ADK: variants seen among roughly 807,000 people sequenced by gnomAD.
ADK encodes the protein N6,N6-dimethyladenosine kinase.
In ADK, 24 loss-of-function variants were observed where a neutral mutation model predicts 44.7. The ratio of observed to expected loss-of-function variants is 0.54; its 90% CI spans 0.39 to 0.76. ADK has a LOEUF of 0.76. Ranked by LOEUF, ADK falls within the 30% of genes least tolerant of loss-of-function variation. ADK has a pLI of 0.00. For synonymous variants in ADK, 128 were observed against 142.6 expected, an observed-to-expected ratio of 0.90 and a Z score of 0.73; for missense variants, 321 against 425.1, an observed-to-expected ratio of 0.76 and a Z score of 2.15.
intron 2 of ADK, among the ~76,000 whole-genome samples, chr10:74,205,675 C>CAAAAAAAAAAAAAAAAAAAA: frequency 1.2e-5 from 1 of 85,350 alleles, no homozygotes; most frequent in Non-Finnish European, 2.2e-5. Context: ...GAATCTGTCT[C>CAAAAAAAAAAAAAAAAAAAA]AAAAAAAAAA....
chr10:74,540,816 C>G (rs1564781894), intron 7 of ADK, among the ~76,000 whole-genome samples: 2 of 151,986 alleles, frequency 1.3e-5, no homozygotes, highest in African/African-American at 2.4e-5. Context: ...TAAATAAAAA[C>G]TGTAAATTTA....
At chr10:74,274,721 T>C (rs1016605278) in intron 3 of ADK, among the ~76,000 whole-genome samples, 6 of 133,650 alleles carry the variant, frequency 4.5e-5, no homozygotes, top group Non-Finnish European at 6.5e-5. Context: ...AGGAGAAAAA[T>C]TTTAATGTGT....
chr10:74,490,251 T>C (rs535609533), intron 6 of ADK, among the ~76,000 whole-genome samples: 1 of 152,252 alleles, frequency 6.6e-6, no homozygotes, highest in African/African-American at 2.4e-5. Context: ...ATGTATTCAT[T>C]GTGATACTGA....
intron 3 of ADK, among the ~76,000 whole-genome samples, chr10:74,258,058 ATAAAT>A (rs1845893490): frequency 6.6e-6 from 1 of 152,150 alleles, no homozygotes; most frequent in Non-Finnish European, 1.5e-5. Flanking sequence ...TTCCTTCTTA[ATAAAT>A]TAGTTTTTAT....
chr10:74,201,710 AT>A, intron 2 of ADK, among the ~76,000 whole-genome samples: 1 of 150,850 alleles, frequency 6.6e-6, no homozygotes, highest in Admixed American at 6.6e-5. Context: ...CTATCTATCT[AT>A]CTATCTATCT....
intron 1 of ADK, among the ~76,000 whole-genome samples, chr10:74,175,307 C>T (rs907969605): frequency 2.0e-5 from 3 of 151,444 alleles, no homozygotes; most frequent in Admixed American, 2.0e-4. Context: ...TCGCTTGAAC[C>T]CAGGAGGCAG....
intron 10 of ADK, among the ~76,000 whole-genome samples, chr10:74,676,171 C>T (rs1344659857): frequency 6.6e-6 from 1 of 151,996 alleles, no homozygotes; most frequent in Non-Finnish European, 1.5e-5. Context: ...GCTCTGTCGC[C>T]CAGGCTGGAG....
intron 7 of ADK, among the ~76,000 whole-genome samples, chr10:74,569,346 C>T (rs919626406): frequency 4.6e-5 from 7 of 152,136 alleles, no homozygotes; most frequent in African/African-American, 1.4e-4. Context: ...CCTGAGGAAT[C>T]GCCACACTGA....
At chr10:74,257,106 C>T (rs887873322) in intron 3 of ADK, among the ~76,000 whole-genome samples, 8 of 152,070 alleles carry the variant, frequency 5.3e-5, no homozygotes, top group African/African-American at 1.7e-4. Flanking sequence ...AAGACAACTG[C>T]AATTTTATAG....
intron 3 of ADK, among the ~76,000 whole-genome samples, chr10:74,234,527 AGTATTTAAAG>A (rs1490972005): frequency 1.3e-5 from 2 of 152,170 alleles, no homozygotes; most frequent in African/African-American, 2.4e-5. Flanking sequence ...CTACTTGAAA[AGTATTTAAAG>A]GTATTTTTCA....
rs186365486 is a variant in ADK, at chr10:74,276,940, C to T, written c.195-37727C>T. On this transcript the variant is annotated intron_variant, in intron 3 of 10. Transcript: ENST00000539909. ...TTCAAATATCTTTTTTTTTTTGAGA[C>T]GGAGTCTCAGTCTGTTGCACAGACT... Among the ~76,000 whole-genome samples the T allele has an allele frequency of 7.2e-3, 1,080 of 149,892 alleles. 21 individuals are homozygous for T. The highest frequency in any genetic ancestry group is 0.024 in the African/African-American group (994 of 40,756).
At chr10:74,696,529 C>T (rs556472107) in intron 10 of ADK, among the ~76,000 whole-genome samples, 7 of 151,226 alleles carry the variant, frequency 4.6e-5, no homozygotes, top group Non-Finnish European at 1.0e-4. Context: ...CCACCCCCAG[C>T]TAATTTTTTT....
At chr10:74,583,631 C>T (rs1224749568) in intron 7 of ADK, among the ~76,000 whole-genome samples, 6 of 152,140 alleles carry the variant, frequency 3.9e-5, no homozygotes, top group Non-Finnish European at 8.8e-5. Flanking sequence ...GCAATCCTCC[C>T]ACCTCAGCCT....
chr10:74,692,913 C>T (rs1047092322), intron 10 of ADK, among the ~76,000 whole-genome samples: 3 of 151,928 alleles, frequency 2.0e-5, no homozygotes, highest in African/African-American at 7.3e-5. Context: ...TTAAGCAACT[C>T]AAGACTGTAT....
intron 6 of ADK, among the ~76,000 whole-genome samples, chr10:74,429,770 G>A (rs1439809750): frequency 6.6e-6 from 1 of 152,092 alleles, no homozygotes; most frequent in Non-Finnish European, 1.5e-5. Flanking sequence ...TACACTAAAA[G>A]CAAATTCATC....
At chr10:74,435,965 C>T (rs1845166365) in intron 6 of ADK, among the ~76,000 whole-genome samples, 1 of 151,994 alleles carries the variant, frequency 6.6e-6, no homozygotes, top group Non-Finnish European at 1.5e-5. Context: ...AATCTATACA[C>T]AAAAAACAAA....
chr10:74,292,210 A>G (rs1420508706), intron 3 of ADK, among the ~76,000 whole-genome samples: 2 of 151,984 alleles, frequency 1.3e-5, no homozygotes, highest in Non-Finnish European at 2.9e-5. Context: ...ATTTTTTTGC[A>G]TTACAAAGAT....
At chr10:74,184,332 T>A (rs976508062) in intron 1 of ADK, among the ~76,000 whole-genome samples, 2 of 152,170 alleles carry the variant, frequency 1.3e-5, no homozygotes, top group South Asian at 4.1e-4. Flanking sequence ...TTATTTATTA[T>A]TATTTTTTCT....
At position 74,200,813 on chromosome 10, in the gene ADK, G is replaced by A; in HGVS notation, c.115G>A (p.Val39Ile). 1 of 1,610,394 alleles carries A rather than the reference G, an allele frequency of 6.2e-7. No homozygotes were observed. The highest frequency in any genetic ancestry group is 8.5e-7 in the Non-Finnish European group (1 of 1,177,142). Residue 39 changes from valine to isoleucine, a missense_variant, in exon 2 of 11, where the codon GTA becomes ATA. By Grantham distance (29) the Val-to-Ile change is conservative. Transcript: ENST00000539909. ...MGNPLLDISA[V>I]VDKDFLDKYS... Reference sequence around the variant, plus strand: ...AAATCCTCTGCTTGACATCTCTGCTGTAGTGGACAAAGATTTCCTTGATAA... The same window carrying A: ...AAATCCTCTGCTTGACATCTCTGCTATAGTGGACAAAGATTTCCTTGATAA...
Sources: gnomAD v4.1 joint callset for allele counts (sites outside exome capture counted in the v4.1 genomes callset) on GRCh38, gnomAD v4.1.1 for gene constraint, MANE v1.5 for transcripts, NCBI Gene and HGNC (gene_info 2026-07-23, HGNC 2026-07-21) for gene names.